The following CHST9 variants were observed in gnomAD, a reference collection of about 807,000 sequenced individuals.
CHST9 encodes carbohydrate sulfotransferase 9.
Under a neutral mutation model 44.4 loss-of-function variants are expected in CHST9, and 41 were observed. That is an observed-to-expected ratio of 0.92 (90% CI 0.72 to 1.20). CHST9 has a LOEUF of 1.20. CHST9 is among the 50% of genes most tolerant of loss of function. CHST9 has a pLI of 0.00. For missense variants in CHST9, 504 were observed against 516.5 expected (o/e 0.98, Z 0.23); for synonymous variants, 171 against 178.4 (o/e 0.96, Z 0.33).
At chr18:26,944,621 T>C (rs1327377844) in intron 4 of CHST9, among the ~76,000 whole-genome samples, 2 of 152,172 alleles carry the variant, frequency 1.3e-5, no homozygotes, top group Admixed American at 6.5e-5. Flanking sequence ...CAGCAGAATG[T>C]ATTAAACTTT....
intron 3 of CHST9, among the ~76,000 whole-genome samples, chr18:27,047,183 T>C (rs2057511608): frequency 6.6e-6 from 1 of 152,066 alleles, no homozygotes; most frequent in Non-Finnish European, 1.5e-5. Context: ...GGGAACCTAA[T>C]GAGGCATCAG....
chr18:27,074,831 T>C (rs2057883470), intron 2 of CHST9, among the ~76,000 whole-genome samples: 1 of 147,994 alleles, frequency 6.8e-6, no homozygotes, highest in South Asian at 2.1e-4. Context: ...TTATAAAATA[T>C]ACATTATAAT....
At chr18:27,130,652 T>G (rs1282622342) in intron 2 of CHST9, among the ~76,000 whole-genome samples, 1 of 152,214 alleles carries the variant, frequency 6.6e-6, no homozygotes, top group Non-Finnish European at 1.5e-5. Flanking sequence ...ACAATGATAT[T>G]CTTAGCAGAA....
chr18:27,094,399 A>G (rs560426620), intron 2 of CHST9, among the ~76,000 whole-genome samples: 2 of 152,358 alleles, frequency 1.3e-5, no homozygotes, highest in Admixed American at 6.5e-5. Flanking sequence ...CAGAATAAAT[A>G]TTAACATCAG....
At chr18:26,933,463 T>G (rs2055917825) in intron 5 of CHST9, among the ~76,000 whole-genome samples, 1 of 152,226 alleles carries the variant, frequency 6.6e-6, no homozygotes, top group African/African-American at 2.4e-5. Flanking sequence ...AGTATCACCT[T>G]TCTGCAGCAA....
chr18:27,106,210 A>G (rs1393416725), intron 2 of CHST9, among the ~76,000 whole-genome samples: 1 of 152,180 alleles, frequency 6.6e-6, no homozygotes, highest in Non-Finnish European at 1.5e-5. Context: ...TAATTGAATT[A>G]TAGATTTTTT....
chr18:27,126,585 C>T (rs1346994488), intron 2 of CHST9, among the ~76,000 whole-genome samples: 2 of 152,000 alleles, frequency 1.3e-5, no homozygotes, highest in Non-Finnish European at 2.9e-5. Context: ...TTTAGGACAG[C>T]TGGAGGTTTA....
At chr18:27,184,194 T>C (rs1656669054) in intron 1 of CHST9, among the ~76,000 whole-genome samples, 2 of 152,110 alleles carry the variant, frequency 1.3e-5, no homozygotes, top group South Asian at 4.1e-4. Flanking sequence ...ACACACATTG[T>C]GTATTATTCA....
At chr18:27,090,024 TA>T (rs2058052882) in intron 2 of CHST9, among the ~76,000 whole-genome samples, 1 of 152,012 alleles carries the variant, frequency 6.6e-6, no homozygotes, top group South Asian at 2.1e-4. Context: ...TGTTAGCCAG[TA>T]TGGTCTCAAT....
At chr18:26,946,514 A>G (rs1177518457) in intron 4 of CHST9, among the ~76,000 whole-genome samples, 1 of 152,142 alleles carries the variant, frequency 6.6e-6, no homozygotes, top group Non-Finnish European at 1.5e-5. Flanking sequence ...GAAATTTAAG[A>G]TCCTCTCAAG....
intron 2 of CHST9, among the ~76,000 whole-genome samples, chr18:27,073,838 A>G (rs1373471661): frequency 1.3e-5 from 2 of 152,130 alleles, no homozygotes; most frequent in Admixed American, 6.5e-5. Context: ...CTGACTATAT[A>G]TAGTCACAAA....
chr18:27,131,152 G>C (rs2058468047), intron 2 of CHST9, among the ~76,000 whole-genome samples: 1 of 152,198 alleles, frequency 6.6e-6, no homozygotes, highest in Non-Finnish European at 1.5e-5. Flanking sequence ...GAGAGCTTCT[G>C]AGACTTATTT....
intron 5 of CHST9, among the ~76,000 whole-genome samples, chr18:26,932,426 C>G (rs2055894692): frequency 6.6e-6 from 1 of 152,150 alleles, no homozygotes; most frequent in Non-Finnish European, 1.5e-5. Context: ...ATAATATCTT[C>G]ACTCCATCAA....
intron 4 of CHST9, among the ~76,000 whole-genome samples, chr18:26,953,057 T>G (rs2056272873): frequency 6.6e-6 from 1 of 152,226 alleles, no homozygotes; most frequent in African/African-American, 2.4e-5. Flanking sequence ...TTAATTGATT[T>G]ATTATTAGCC....
chr18:27,089,517 T>A (rs1242147125), intron 2 of CHST9, among the ~76,000 whole-genome samples: 1 of 152,184 alleles, frequency 6.6e-6, no homozygotes, highest in African/African-American at 2.4e-5. Flanking sequence ...GTGCCACATT[T>A]TCTTAATCCA....
intron 2 of CHST9, among the ~76,000 whole-genome samples, chr18:27,108,067 C>T (rs1042348141): frequency 3.9e-5 from 6 of 152,146 alleles, no homozygotes; most frequent in Non-Finnish European, 7.4e-5. Context: ...TGTCAACAAT[C>T]TACCCACCTA....
intron 2 of CHST9, among the ~76,000 whole-genome samples, chr18:27,053,864 C>T (rs1015984834): frequency 2.0e-5 from 3 of 152,190 alleles, no homozygotes; most frequent in Admixed American, 1.3e-4. Flanking sequence ...CTCAGCTCAG[C>T]TGCCAGTCCT....
intron 3 of CHST9, among the ~76,000 whole-genome samples, chr18:27,043,038 C>T (rs1028995836): frequency 1.3e-5 from 2 of 152,026 alleles, no homozygotes; most frequent in African/African-American, 2.4e-5. Context: ...ACAGGTTTGA[C>T]CAGTCCCTCC....
chr18:27,136,423 C>T (rs746261814), intron 2 of CHST9, among the ~76,000 whole-genome samples: 2 of 148,808 alleles, frequency 1.3e-5, no homozygotes, highest in Non-Finnish European at 2.9e-5. Context: ...ACTGCCTGGC[C>T]AGTGCACTGT....
Sources: gnomAD v4.1 joint callset for allele counts (sites outside exome capture counted in the v4.1 genomes callset) on GRCh38, gnomAD v4.1.1 for gene constraint, MANE v1.5 for transcripts, NCBI Gene and HGNC (gene_info 2026-07-23, HGNC 2026-07-21) for gene names.